The following SNTG2 variants were observed in gnomAD, a reference collection of about 807,000 sequenced individuals.
The protein encoded by SNTG2 is gamma-2-syntrophin.
Under a neutral mutation model 70.9 loss-of-function variants are expected in SNTG2, and 74 were observed. The observed-to-expected ratio is 1.04, with a 90% confidence interval of 0.86 to 1.27. The LOEUF (loss-of-function observed/expected upper bound fraction) is 1.27. Ranked by LOEUF, SNTG2 falls within the 50% of genes most tolerant of loss-of-function variation. SNTG2 has a pLI of 0.00. For synonymous variants in SNTG2, 278 were observed against 273.8 expected (o/e 1.02, Z -0.15); for missense variants, 717 against 690.7 (o/e 1.04, Z -0.43).
intron 9 of SNTG2, among the ~76,000 whole-genome samples, chr2:1,233,809 G>A (rs1676423566): frequency 6.6e-6 from 1 of 152,066 alleles, no homozygotes; most frequent in Non-Finnish European, 1.5e-5. Flanking sequence ...GAAACCCTGG[G>A]AGGAGGGTAG....
At chr2:1,323,513 T>C (rs1187914829) in intron 16 of SNTG2, among the ~76,000 whole-genome samples, 9 of 105,530 alleles carry the variant, frequency 8.5e-5, no homozygotes, top group Non-Finnish European at 1.6e-4. Flanking sequence ...TGAGACCCCC[T>C]GTAGGCTGGG....
intron 2 of SNTG2, among the ~76,000 whole-genome samples, chr2:1,084,051 G>A (rs1209557207): frequency 6.6e-6 from 1 of 151,536 alleles, no homozygotes; most frequent in Non-Finnish European, 1.5e-5. Context: ...AAAAAAAAAA[G>A]GAAAAAAAGA....
intron 1 of SNTG2, among the ~76,000 whole-genome samples, chr2:1,012,614 AGG>A (rs1558309924): frequency 6.2e-5 from 8 of 128,620 alleles, no homozygotes; most frequent in African/African-American, 2.3e-4. Flanking sequence ...TGGTCTGGAA[AGG>A]GATTTATAAG....
Position 1,209,165 on chromosome 2 carries a change from C to T in SNTG2, c.654C>T (p.Asp218=). 1.9e-6 allele frequency: 3 copies of T among 1,613,982 alleles called. No homozygotes were observed. Among genetic ancestry groups the T allele is most frequent in the Non-Finnish European group, 2.5e-6 (3 of 1,179,894 alleles). The part of the protein sequence containing the change: ...KDPRYEKRWL[D]TLSVPLSMAR... ...CGAGGTATGAGAAGCGCTGGCTGGA[C>T]ACCTTGTCCGTGCCTCTGTCCATGG... Residue 218 remains aspartate, a synonymous_variant, in exon 9 of 17, where the codon GAC becomes GAT. Coordinates refer to ENST00000308624, the MANE Select transcript of SNTG2 (RefSeq NM_018968.4).
intron 1 of SNTG2, among the ~76,000 whole-genome samples, chr2:1,039,633 C>A (rs748421856): frequency 6.6e-6 from 1 of 152,104 alleles, no homozygotes; most frequent in Non-Finnish European, 1.5e-5. Context: ...TGGTATGGTA[C>A]GGCATGATCA....
intron 1 of SNTG2, 83 bp from the exon 2 acceptor site, chr2:1,083,435 G>A (rs1489266888): frequency 1.0e-4 from 146 of 1,463,950 alleles, no homozygotes; most frequent in Non-Finnish European, 1.3e-4. Flanking sequence ...GGATTGTCTT[G>A]AGCAGGAGGC....
chr2:1,336,038 A>G (rs1659800194), intron 16 of SNTG2, among the ~76,000 whole-genome samples: 1 of 152,204 alleles, frequency 6.6e-6, no homozygotes, highest in Non-Finnish European at 1.5e-5. Context: ...AAGTCAAAAT[A>G]ATATTAGTCT....
At chr2:1,109,485 TA>T in intron 4 of SNTG2, among the ~76,000 whole-genome samples, 1 of 152,092 alleles carries the variant, frequency 6.6e-6, no homozygotes, top group Middle Eastern at 3.2e-3. Flanking sequence ...TGGATCTTCA[TA>T]AAAAACATAT....
At chr2:1,175,889 G>A (rs1329262096) in intron 8 of SNTG2, among the ~76,000 whole-genome samples, 1 of 152,242 alleles carries the variant, frequency 6.6e-6, no homozygotes, top group Non-Finnish European at 1.5e-5. Flanking sequence ...GGTAAGTGCA[G>A]TGGAAAAGTA....
chr2:1,018,369 C>T (rs1239757009), intron 1 of SNTG2, among the ~76,000 whole-genome samples: 1 of 152,166 alleles, frequency 6.6e-6, no homozygotes, highest in Non-Finnish European at 1.5e-5. Flanking sequence ...GCATAAGCTG[C>T]TGCTTCTGAA....
chr2:1,359,003 C>T (rs1661003455), intron 16 of SNTG2, among the ~76,000 whole-genome samples: 1 of 152,158 alleles, frequency 6.6e-6, no homozygotes, highest in African/African-American at 2.4e-5. Context: ...GTTTCATACA[C>T]AGGTTGAATA....
At chr2:1,020,438 T>C (rs1238712749) in intron 1 of SNTG2, among the ~76,000 whole-genome samples, 2 of 152,166 alleles carry the variant, frequency 1.3e-5, no homozygotes, top group Non-Finnish European at 2.9e-5. Context: ...CAGAGGGACA[T>C]CTGCAGAAGG....
intron 4 of SNTG2, among the ~76,000 whole-genome samples, chr2:1,136,255 C>T (rs139101338): frequency 7.3e-5 from 11 of 151,642 alleles, no homozygotes; most frequent in Non-Finnish European, 1.5e-4. Flanking sequence ...TGCAGCCTAC[C>T]CTCGTGTGGC....
intron 4 of SNTG2, among the ~76,000 whole-genome samples, chr2:1,123,742 C>T (rs1204656620): frequency 6.6e-6 from 1 of 152,178 alleles, no homozygotes; most frequent in Non-Finnish European, 1.5e-5. Context: ...GCACAGCAAA[C>T]AAGACCAGCA....
chr2:1,148,025 A>G (rs1042693885), intron 6 of SNTG2, among the ~76,000 whole-genome samples: 3 of 152,144 alleles, frequency 2.0e-5, no homozygotes, highest in Admixed American at 2.0e-4. Context: ...TCTGGAAGAG[A>G]GGGTGCTGGA....
chr2:1,332,912 C>G (rs1360164297), intron 16 of SNTG2, among the ~76,000 whole-genome samples: 2 of 152,118 alleles, frequency 1.3e-5, no homozygotes, highest in Non-Finnish European at 2.9e-5. Flanking sequence ...GGGACGCCTA[C>G]TCTCACCACT....
intron 12 of SNTG2, among the ~76,000 whole-genome samples, chr2:1,254,186 A>G (rs566086887): frequency 2.0e-5 from 3 of 152,320 alleles, no homozygotes; most frequent in African/African-American, 7.2e-5. Context: ...TGGAAAAAGC[A>G]GGTCCGTGTT....
At chr2:1,016,199 A>G (rs971123207) in intron 1 of SNTG2, among the ~76,000 whole-genome samples, 2 of 152,064 alleles carry the variant, frequency 1.3e-5, no homozygotes, top group Non-Finnish European at 2.9e-5. Context: ...ACTGTTGTCA[A>G]CAAGTAATCC....
At chr2:1,317,447 G>C (rs1474019759) in intron 16 of SNTG2, among the ~76,000 whole-genome samples, 17 of 48,166 alleles carry the variant, frequency 3.5e-4, no homozygotes, top group East Asian at 6.2e-4. Flanking sequence ...CATGTAGCAT[G>C]AGGCCAGCAT....
Sources: gnomAD v4.1 joint callset for allele counts (sites outside exome capture counted in the v4.1 genomes callset) on GRCh38, gnomAD v4.1.1 for gene constraint, MANE v1.5 for transcripts, NCBI Gene and HGNC (gene_info 2026-07-23, HGNC 2026-07-21) for gene names.